The following MPC1 variants were observed in gnomAD, a reference collection of about 807,000 sequenced individuals.
MPC1 encodes the protein mitochondrial pyruvate carrier 1.
MPC1 carries 6 observed loss-of-function variants against 13.9 expected under a neutral mutation model. The ratio of observed to expected loss-of-function variants is 0.43; its 90% CI spans 0.24 to 0.85. The LOEUF is 0.85. Ranked by LOEUF, MPC1 falls within the 40% of genes least tolerant of loss-of-function variation. The probability of loss-of-function intolerance (pLI) is 0.24; values close to 1 mark genes in which losing one functional copy is unlikely to be tolerated. For synonymous variants in MPC1, 47 were observed against 50.5 expected (o/e 0.93, Z 0.29); for missense variants, 115 against 143.3 (o/e 0.80, Z 1.01).
At chr6:166,368,478 C>T (rs183329480) in intron 2 of MPC1, among the ~76,000 whole-genome samples, 9 of 145,320 alleles carry the variant, frequency 6.2e-5, no homozygotes, top group African/African-American at 2.0e-4. Flanking sequence ...TGCTTGAACC[C>T]GGGAGGTGAA....
At chr6:166,370,523 G>A (rs1397821499) in intron 1 of MPC1, among the ~76,000 whole-genome samples, 4 of 152,278 alleles carry the variant, frequency 2.6e-5, no homozygotes, top group East Asian at 1.9e-4. Context: ...TACAAGCCAC[G>A]TACGTAATTT....
chr6:166,372,521 A>C (rs1159182160), intron 1 of MPC1, among the ~76,000 whole-genome samples: 1 of 152,230 alleles, frequency 6.6e-6, no homozygotes, highest in South Asian at 2.1e-4. Flanking sequence ...CAAAAGTCCT[A>C]CATGAATATA....
rs1195829734 is a variant in MPC1 at position 166,365,284 on chromosome 6, C to T, written c.*145G>A. The T allele has an allele frequency of 3.1e-6, 2 of 644,310 alleles. No homozygotes were observed. Among genetic ancestry groups the T allele is most frequent in the Non-Finnish European group, 4.7e-6 (2 of 424,970 alleles). The allele number at this position is 644,310 out of a possible 1,614,324, so 39.9% of individuals were successfully genotyped here. A position where few individuals can be genotyped will look rare whatever the true frequency, so the allele number is the denominator to read the frequency against. On this transcript the variant is annotated 3_prime_UTR_variant, in exon 5 of 5. Coordinates refer to ENST00000360961, the MANE Select transcript of MPC1 (RefSeq NM_016098.4). This position sits in a 1 kb window ranked among gnomAD's most constrained non-coding sequence, Gnocchi z 4.2. The stretch of plus-strand genomic sequence containing the variant: ...GCAGCAGAGAGTTGGTTTAGAAACT[C>T]TCAGCTATTTCTATAAAAATAGAAT...
chr6:166,378,418 A>ATGTG (rs3049292), intron 1 of MPC1, among the ~76,000 whole-genome samples: 34,084 of 149,792 alleles, frequency 0.23, 4,123 homozygotes, highest in Non-Finnish European at 0.27. Flanking sequence ...ATACAAATAC[A>ATGTG]TGTGTGTGTG....
chr6:166,372,982 TA>T (rs1238332584), intron 1 of MPC1, among the ~76,000 whole-genome samples: 1 of 152,196 alleles, frequency 6.6e-6, no homozygotes, highest in Non-Finnish European at 1.5e-5. Context: ...TCTGTTTTTT[TA>T]AAAAATAAAC....
At chr6:166,373,439 T>C (rs1219207465) in intron 1 of MPC1, among the ~76,000 whole-genome samples, 2 of 152,262 alleles carry the variant, frequency 1.3e-5, no homozygotes, top group African/African-American at 4.8e-5. Flanking sequence ...GTTTCCCTCA[T>C]GTCTTTTCAT....
chr6:166,379,480 T>TAA (rs10701621), intron 1 of MPC1, among the ~76,000 whole-genome samples: 10,054 of 152,142 alleles, frequency 0.066, 1,082 homozygotes, highest in African/African-American at 0.23. Context: ...GGTGACAGAG[T>TAA]AATACCCTGT....
At position 166,382,738 on chromosome 6, in the gene MPC1, G is replaced by A. The variant is rs73265159; in HGVS notation, c.71+68C>T. ...CGTCCTCGCGGCCGCCCTCGTCGCG[G>A]ACTGCACGGGTCGCAGCCTCCCGGG... On this transcript the variant is annotated intron_variant, in intron 1 of 4. Transcript: ENST00000360961. 9.1e-3 allele frequency: 13,495 copies of A among 1,478,792 alleles called. 1,004 individuals carry two copies. In the African/African-American group the frequency reaches 0.16, roughly 18 times the overall value. The allele number at this position is 1,478,792 out of a possible 1,614,324, so 91.6% of individuals were successfully genotyped here. A position where few individuals can be genotyped will look rare whatever the true frequency, so the allele number is the denominator to read the frequency against.
chr6:166,368,812 T>C (rs1207603045), intron 2 of MPC1: 14 of 985,510 alleles, frequency 1.4e-5, no homozygotes, highest in Non-Finnish European at 1.7e-5. Flanking sequence ...TTCCTTTTCC[T>C]CCTTTTTTGA....
At chr6:166,382,117 G>A (rs1779809485) in intron 1 of MPC1, among the ~76,000 whole-genome samples, 1 of 152,262 alleles carries the variant, frequency 6.6e-6, no homozygotes, top group African/African-American at 2.4e-5. Context: ...CCGCCCGGAG[G>A]AGCGAGCCAC....
intron 1 of MPC1, among the ~76,000 whole-genome samples, chr6:166,374,708 T>G (rs540016414): frequency 1.3e-5 from 2 of 152,352 alleles, no homozygotes; most frequent in African/African-American, 4.8e-5. Flanking sequence ...GTTTTGCCTT[T>G]GCTCCTTTGT....
At position 166,382,899 on chromosome 6, in the gene MPC1, G is replaced by T. The variant is rs1032934940; in HGVS notation, c.-23C>A. Reference sequence around the variant, plus strand: ...CATGGCTGTGCCGACACCAGACCCCGAGTGGTCCCTGCCTCTGCTGCCGCT... The same window carrying T: ...CATGGCTGTGCCGACACCAGACCCCTAGTGGTCCCTGCCTCTGCTGCCGCT... On this transcript the variant is annotated 5_prime_UTR_variant, in exon 1 of 5. Coordinates refer to ENST00000360961, the MANE Select transcript of MPC1 (RefSeq NM_016098.4). The T allele has an allele frequency of 2.5e-6, 4 of 1,587,374 alleles. No individual in the cohort carries two copies. The African/African-American group carries it at 5.6e-5, about 22-fold the overall frequency.
intron 1 of MPC1, among the ~76,000 whole-genome samples, chr6:166,373,641 C>A (rs1779464636): frequency 6.6e-6 from 1 of 152,136 alleles, no homozygotes; most frequent in South Asian, 2.1e-4. Flanking sequence ...GGGGTAAATA[C>A]CAAAGAATGT....
chr6:166,367,870 A>C (rs895082173), intron 2 of MPC1, among the ~76,000 whole-genome samples: 3 of 152,238 alleles, frequency 2.0e-5, no homozygotes, highest in Admixed American at 2.0e-4. Context: ...ACGAGGGGTT[A>C]AAATCCAAAG....
At position 166,365,304 on chromosome 6, in the gene MPC1, T is replaced by C; in HGVS notation, c.*125A>G. Reference sequence around the variant, plus strand: ...AAACTCTCAGCTATTTCTATAAAAATAGAATGGTTAGTAAAAATAGCATTC... The same window carrying C: ...AAACTCTCAGCTATTTCTATAAAAACAGAATGGTTAGTAAAAATAGCATTC... On this transcript the variant is annotated 3_prime_UTR_variant, in exon 5 of 5. Transcript: ENST00000360961. The surrounding 1 kb of genome is among the most constrained non-coding windows in gnomAD (Gnocchi z 4.2). 1 of 739,210 alleles carries C rather than the reference T, an allele frequency of 1.4e-6. No individual in the cohort carries two copies. Among genetic ancestry groups the C allele is most frequent in the South Asian group, 3.9e-5 (1 of 25,412 alleles). 45.8% of individuals were successfully genotyped at this position (739,210 alleles called of 1,614,324 possible).
chr6:166,369,293 T>C (rs1417069456), intron 2 of MPC1, among the ~76,000 whole-genome samples: 3 of 152,036 alleles, frequency 2.0e-5, no homozygotes, highest in African/African-American at 7.3e-5. Flanking sequence ...TCCCAGCTAC[T>C]AGGGAGGTTG....
At chr6:166,378,686 A>C (rs1227517425) in intron 1 of MPC1, among the ~76,000 whole-genome samples, 1 of 152,202 alleles carries the variant, frequency 6.6e-6, no homozygotes, top group East Asian at 1.9e-4. Flanking sequence ...TAGTTTCTTA[A>C]GAAAAAGGTA....
chr6:166,368,707 T>C (rs1779264488), intron 2 of MPC1: 7 of 916,672 alleles, frequency 7.6e-6, no homozygotes, highest in Non-Finnish European at 7.8e-6. Context: ...TAAGGGAGAG[T>C]ATCTATCTCT....
rs1052703662 is a variant in MPC1 at position 166,367,019 on chromosome 6, C to T, written c.76-128G>A. The stretch of plus-strand genomic sequence containing the variant: ...AGAACAAATCTTCGTTTCCATCTTG[C>T]AGGTTTACTGGGTTAATTGATGGTT... On this transcript the variant is annotated intron_variant, in intron 2 of 4. Transcript: ENST00000360961. The T allele has an allele frequency of 2.2e-5, 34 of 1,538,030 alleles. No individual in the cohort carries two copies. In the African/African-American group the frequency reaches 4.2e-4, roughly 19 times the overall value.
Sources: allele counts gnomAD v4.1 joint callset (sites outside exome capture counted in the v4.1 genomes callset), GRCh38; gene constraint gnomAD v4.1.1; non-coding constraint Gnocchi (gnomAD v3.1); transcripts MANE v1.5; gene names NCBI Gene and HGNC (gene_info 2026-07-23, HGNC 2026-07-21).